The following COL11A2 variants were observed in gnomAD, a reference collection of about 807,000 sequenced individuals.
COL11A2 encodes collagen type XI alpha 2 chain.
In COL11A2, 116 loss-of-function variants were observed where a neutral mutation model predicts 273.4. The ratio of observed to expected loss-of-function variants is 0.42; its 90% confidence interval spans 0.36 to 0.49. COL11A2 has a LOEUF of 0.49. COL11A2 is among the 20% of genes least tolerant of loss of function. COL11A2 has a pLI of 0.00. For synonymous variants in COL11A2, 782 were observed against 864.2 expected, an observed-to-expected ratio of 0.90 and a Z score of 1.67; for missense variants, 1,866 against 2,309.0, an observed-to-expected ratio of 0.81 and a Z score of 3.93.
Position 33,175,370 on chromosome 6 carries a change from C to T in COL11A2, c.2376+204G>A, listed in dbSNP as rs537185565. ...TAAGCTTCGTCTCCGTCCAACTCTT[C>T]GTGTCAGGGACTTTTCCCTGACTTC... On this transcript the variant is annotated intron_variant, in intron 30 of 65. Transcript: ENST00000341947. The T allele has an allele frequency of 5.5e-5, 38 of 692,040 alleles. No individual in the cohort carries two copies. The African/African-American group carries it at 5.9e-4, about 11-fold the overall frequency. 42.9% of individuals were successfully genotyped at this position (692,040 alleles called of 1,614,324 possible).
In COL11A2 at chr6:33,178,342, C is replaced by A. The variant is rs1199775965; in HGVS notation, c.1784G>T (p.Gly595Val). The A allele has an allele frequency of 6.2e-7, 1 of 1,612,864 alleles. No homozygotes were observed. The highest frequency in any genetic ancestry group is 2.2e-5 in the East Asian group (1 of 44,870). Residue 595 changes from glycine to valine, a missense_variant, in exon 20 of 66, where the codon GGG becomes GTG. Physicochemically the swap from Gly to Val is moderately radical, Grantham distance 109. Coordinates refer to ENST00000341947, the MANE Select transcript of COL11A2 (RefSeq NM_080680.3). This position sits in a 1 kb window ranked among gnomAD's most constrained non-coding sequence, Gnocchi z 4.6. ...AGGCAGCCCTCGAGGCCCAATCTCC[C>A]CGTCATCTCCCTGGAGGAGGAGGAC... ...PGEDGERGDD[G>V]EIGPRGLPGE...
At position 33,167,371 on chromosome 6, in the gene COL11A2, C is replaced by T. The variant is rs536381402; in HGVS notation, c.4123-54G>A. On this transcript the variant is annotated intron_variant, in intron 56 of 65. Transcript: ENST00000341947. The surrounding 1 kb of genome is among the most constrained non-coding windows in gnomAD (Gnocchi z 6.1). ...AGGAGGAGCATCCCCACACTGCACC[C>T]CTCCCATGGCCCCTCACTCCCACCC... 4.1e-5 allele frequency: 66 copies of T among 1,612,512 alleles called. 1 individual carries two copies. The South Asian group carries it at 7.1e-4, about 17-fold the overall frequency.
At position 33,165,963 on chromosome 6, in the gene COL11A2, C is replaced by G. The variant is rs1303980611; in HGVS notation, c.4450G>C (p.Glu1484Gln). 2 of 1,613,980 alleles carry G rather than the reference C, an allele frequency of 1.2e-6. No individual in the cohort carries two copies. The highest frequency in any genetic ancestry group is 1.7e-6 in the Non-Finnish European group (2 of 1,180,016). Residue 1484 changes from glutamate (E) to glutamine (Q), a missense_variant, in exon 62 of 66, where the codon GAG becomes CAG. Physicochemically the swap from Glu to Gln is conservative, Grantham distance 29. Transcript: ENST00000341947. This position sits in a 1 kb window ranked among gnomAD's most constrained non-coding sequence, Gnocchi z 7.7. Reference sequence around the variant, plus strand: ...CCTGGAGGGCCCTGCACACCCTTCTCTCCCTTGGGTCCGCCTGGGCCCTGA... The same window carrying G: ...CCTGGAGGGCCCTGCACACCCTTCTGTCCCTTGGGTCCGCCTGGGCCCTGA... The part of the protein sequence containing the change: ...GATGPGGPKG[E>Q]KGVQGPPGHP...
At position 33,167,164 on chromosome 6, in the gene COL11A2, G is replaced by A; in HGVS notation, c.4177-41C>T. ...AAGTCATTCTCTTAAGGGAGAGGTG[G>A]GACCAAGTTCTCCCCAACAGCCTCC... On this transcript the variant is annotated intron_variant, in intron 57 of 65. Coordinates refer to ENST00000341947, the MANE Select transcript of COL11A2 (RefSeq NM_080680.3). The surrounding 1 kb of genome is among the most constrained non-coding windows in gnomAD (Gnocchi z 6.1). The A allele has an allele frequency of 6.2e-7, 1 of 1,613,920 alleles. No individual in the cohort carries two copies. The highest frequency in any genetic ancestry group is 8.5e-7 in the Non-Finnish European group (1 of 1,179,822).
Position 33,163,561 on chromosome 6 carries a change from C to A in COL11A2, c.*117G>T. On this transcript the variant is annotated 3_prime_UTR_variant, in exon 66 of 66. Coordinates refer to ENST00000341947, the MANE Select transcript of COL11A2 (RefSeq NM_080680.3). This position sits in a 1 kb window ranked among gnomAD's most constrained non-coding sequence, Gnocchi z 4.1. ...CTGCCCCGACTGAGGGCTCTCCACG[C>A]CCTGGCCCAGGGCTCCCTAGATAGT... 1 of 1,547,618 alleles carries A rather than the reference C, an allele frequency of 6.5e-7. No homozygotes were observed.
chr6:33,192,484 GCGCCCAGAGCCCCCACCT>G (rs1398894858), upstream of COL11A2: 1 of 565,730 alleles, frequency 1.8e-6, no homozygotes, highest in African/African-American at 1.9e-5. Flanking sequence ...GGCCACCCTG[GCGCCCAGAGCCCCCACCT>G]CGCCCCCGCC....
Position 33,177,693 on chromosome 6 carries a change from A to G in COL11A2, c.1886T>C (p.Met629Thr). Residue 629 changes from methionine (M) to threonine (T), a missense_variant, in exon 22 of 66, where the codon ATG (methionine) becomes ACG (threonine). Physicochemically the swap from Met to Thr is moderately conservative, Grantham distance 81. Transcript: ENST00000341947. This position sits in a 1 kb window ranked among gnomAD's most constrained non-coding sequence, Gnocchi z 5.9. ...CCCTTTGGGGCCCTGGGGACCATCCATGCCTCGGACGCCCTGAAACACAAG... is the reference window on the plus strand; with the variant it reads ...CCCTTTGGGGCCCTGGGGACCATCCGTGCCTCGGACGCCCTGAAACACAAG... ...GIPGPPGVRG[M>T]DGPQGPKGSL... is the part of the protein sequence containing the mutation. 6.2e-7 allele frequency: 1 copy of G among 1,612,834 alleles called. No homozygotes were observed. Among genetic ancestry groups the G allele is most frequent in the Non-Finnish European group, 8.5e-7 (1 of 1,179,960 alleles).
chr6:33,174,384 T>C (rs1770604446), intron 31 of COL11A2, 143 bp downstream of exon 31: 1 of 1,370,310 alleles, frequency 7.3e-7, no homozygotes, highest in Non-Finnish European at 1.0e-6. Flanking sequence ...TGGGCCTCTT[T>C]CGGTCATCTG....
rs1473164789 is a variant in COL11A2, at chr6:33,172,055, G to A, written c.3037C>T (p.Pro1013Ser). 2 of 1,612,844 alleles carry A rather than the reference G, an allele frequency of 1.2e-6. No homozygotes were observed. Among genetic ancestry groups the A allele is most frequent in the African/African-American group, 1.3e-5 (1 of 74,892 alleles). The change falls in exon 41 of 66, where the codon CCT becomes TCT. Residue 1013 changes from proline (P) to serine (S), a missense_variant. Physicochemically the swap from Pro to Ser is moderately conservative, Grantham distance 74 (BLOSUM62 -1). Transcript: ENST00000341947. Reference protein sequence around the residue: ...GNEGPSGPPGPAGSPGERGAA... With the variant: ...GNEGPSGPPGSAGSPGERGAA... ...TTCCGGAACCCCAGACTCACTGCAG[G>A]GCCAGGGGGGCCAGACGGACCTTCA...
chr6:33,177,773 C>A lies in COL11A2; in HGVS notation c.1873-67G>T. 1 of 1,560,380 alleles carries A rather than the reference C, an allele frequency of 6.4e-7. No homozygotes were observed. On this transcript the variant is annotated intron_variant, in intron 21 of 65. Coordinates refer to ENST00000341947, the MANE Select transcript of COL11A2 (RefSeq NM_080680.3). The surrounding 1 kb of genome is among the most constrained non-coding windows in gnomAD (Gnocchi z 5.9). ...GAGGGACCTGTGGTTTTCAGAGGCC[C>A]GGCCATTCCCGAGGGTGTGACGGTC...
In COL11A2 at chr6:33,173,325, G is replaced by T; in HGVS notation, c.2736+23C>A. ...GGGTCTGATGGAGCCCCCTGAGAAT[G>T]GGTAGCCAGGAGCATCACTCACCAC... On this transcript the variant is annotated intron_variant, in intron 37 of 65. Transcript: ENST00000341947. This position sits in a 1 kb window ranked among gnomAD's most constrained non-coding sequence, Gnocchi z 6.3. The T allele has an allele frequency of 6.2e-7, 1 of 1,610,964 alleles. No individual in the cohort carries two copies.
rs1049821607 is a variant in COL11A2, at chr6:33,185,017, G to C, written c.914C>G (p.Ser305Trp). 4 of 1,551,164 alleles carry C rather than the reference G, an allele frequency of 2.6e-6. No homozygotes were observed. Among genetic ancestry groups the C allele is most frequent in the South Asian group, 2.4e-5 (2 of 84,030 alleles). Residue 305 changes from serine (S) to tryptophan (W), a missense_variant, in exon 7 of 66, where the codon TCG becomes TGG. Coordinates refer to ENST00000341947, the MANE Select transcript of COL11A2 (RefSeq NM_080680.3). ...TPGEEEEILE[S>W]SLLPPLEEEQ... is the part of the protein sequence containing the mutation. ...CTCCTCAAGGGGTGGCAAGAGGCTCGACTCCAGGATTTCTTCCTCTTCACC... is the reference window on the plus strand; with the variant it reads ...CTCCTCAAGGGGTGGCAAGAGGCTCCACTCCAGGATTTCTTCCTCTTCACC...
In COL11A2 at chr6:33,178,847, C is replaced by T; in HGVS notation, c.1665+73G>A. Reference sequence around the variant, plus strand: ...CCTGGGGAAGCCTGGAGAACTAGGTCATCCCCAAGAAACAACTGAGCCCAG... The same window carrying T: ...CCTGGGGAAGCCTGGAGAACTAGGTTATCCCCAAGAAACAACTGAGCCCAG... On this transcript the variant is annotated intron_variant, in intron 17 of 65. Transcript: ENST00000341947. The surrounding 1 kb of genome is among the most constrained non-coding windows in gnomAD (Gnocchi z 4.6). 2.5e-6 allele frequency: 4 copies of T among 1,609,474 alleles called. No individual in the cohort carries two copies. In the South Asian group the frequency reaches 4.4e-5, roughly 18 times the overall value.
rs1191702506 is a variant in COL11A2, at chr6:33,172,598, G to A, written c.2830C>T (p.His944Tyr). Residue 944 changes from histidine (H) to tyrosine (Y), a missense_variant, in exon 39 of 66, where the codon CAC becomes TAC. By Grantham distance (83) the His-to-Tyr change is moderately conservative (BLOSUM62 2). Coordinates refer to ENST00000341947, the MANE Select transcript of COL11A2 (RefSeq NM_080680.3). ...CCAGGGGGCCCCGGGGGGCCTGGGT[G>A]ACCTCTCTCCCCCATAGGGCCGGTT... ...GETGPMGERG[H>Y]PGPPGPPGEQ... 1.2e-6 allele frequency: 2 copies of A among 1,612,452 alleles called. No homozygotes were observed. Among genetic ancestry groups the A allele is most frequent in the East Asian group, 2.2e-5 (1 of 44,852 alleles).
chr6:33,167,920 C>T lies in COL11A2; in HGVS notation c.3961-68G>A, dbSNP rs901013636. 1 of 1,554,706 alleles carries T rather than the reference C, an allele frequency of 6.4e-7. No individual in the cohort carries two copies. Among genetic ancestry groups the T allele is most frequent in the Non-Finnish European group, 8.8e-7 (1 of 1,132,672 alleles). ...AGCCAGGCTCAACTCTTCCCCCTTC[C>T]TGTCCTAGACACACACATACACATG... On this transcript the variant is annotated intron_variant, in intron 54 of 65. Coordinates refer to ENST00000341947, the MANE Select transcript of COL11A2 (RefSeq NM_080680.3). This position sits in a 1 kb window ranked among gnomAD's most constrained non-coding sequence, Gnocchi z 6.1.
Position 33,170,918 on chromosome 6 carries a change from C to T in COL11A2, c.3367-1G>A. ...GAGCTCCGGGCTCCCCATCTGCTCC[C>T]TGCAGGGTTGAGGGAAAGCAGAGAC... On this transcript the variant is annotated splice_acceptor_variant, in intron 45 of 65. Coordinates refer to ENST00000341947, the MANE Select transcript of COL11A2 (RefSeq NM_080680.3). LOFTEE classifies it high-confidence loss of function. This position sits in a 1 kb window ranked among gnomAD's most constrained non-coding sequence, Gnocchi z 4.3. 1 of 1,612,768 alleles carries T rather than the reference C, an allele frequency of 6.2e-7. No individual in the cohort carries two copies. The highest frequency in any genetic ancestry group is 8.5e-7 in the Non-Finnish European group (1 of 1,179,880).
At chr6:33,191,773 CAGAA>C (rs1773138172) in intron 1 of COL11A2, among the ~76,000 whole-genome samples, 1 of 152,206 alleles carries the variant, frequency 6.6e-6, no homozygotes. Flanking sequence ...GAGATATCGA[CAGAA>C]AGGCCATAAG....
chr6:33,187,894 T>G, intron 4 of COL11A2, among the ~76,000 whole-genome samples: 1 of 150,830 alleles, frequency 6.6e-6, no homozygotes, highest in Non-Finnish European at 1.5e-5. Context: ...TTGAAGAGGA[T>G]AGATGGGTGG....
chr6:33,165,955 A>T lies in COL11A2; in HGVS notation c.4458T>A (p.Gly1486=), dbSNP rs143186319. ...CCGGGTGTCCTGGAGGGCCCTGCAC[A>T]CCCTTCTCTCCCTTGGGTCCGCCTG... ...TGPGGPKGEK[G]VQGPPGHPGP... is the part of the protein sequence containing the mutation. Residue 1486 remains glycine (G), a synonymous_variant, in exon 62 of 66, where the codon GGT becomes GGA. Coordinates refer to ENST00000341947, the MANE Select transcript of COL11A2 (RefSeq NM_080680.3). The surrounding 1 kb of genome is among the most constrained non-coding windows in gnomAD (Gnocchi z 7.7). 4,196 of 1,613,790 alleles carry T rather than the reference A, an allele frequency of 2.6e-3. 14 individuals are homozygous for T. Among genetic ancestry groups the T allele is most frequent in the East Asian group, 0.013 (605 of 44,852 alleles).
Sources: gnomAD v4.1 joint callset for allele counts (sites outside exome capture counted in the v4.1 genomes callset) on GRCh38, gnomAD v4.1.1 for gene constraint, Gnocchi (gnomAD v3.1) non-coding constraint, MANE v1.5 for transcripts, NCBI Gene and HGNC (gene_info 2026-07-23, HGNC 2026-07-21) for gene names.